The following RIPOR3 variants were observed in gnomAD, a reference collection of about 807,000 sequenced individuals.
RIPOR3 encodes the protein family with sequence similarity 65 member C.
RIPOR3 carries 95 observed loss-of-function variants against 114.3 expected under a neutral mutation model. The ratio of observed to expected loss-of-function variants is 0.83; its 90% CI spans 0.70 to 0.99. The LOEUF (loss-of-function observed/expected upper bound fraction) is 0.99. Ranked by LOEUF, RIPOR3 falls within the 50% of genes least tolerant of loss-of-function variation. RIPOR3 has a pLI of 0.00. For synonymous variants in RIPOR3, 575 were observed against 543.8 expected, an observed-to-expected ratio of 1.06 and a Z score of -0.80; for missense variants, 1,252 against 1,266.9, an observed-to-expected ratio of 0.99 and a Z score of 0.18.
In RIPOR3 at chr20:50,626,291, G is replaced by A. The variant is rs561529438; in HGVS notation, c.122+4447C>T. On this transcript the variant is annotated intron_variant, in intron 2 of 21. Transcript: ENST00000327979. ...GGCGGCAGAGGCCAAGGCCAGGTGGGGGCTGCCCAGGGACCTCCGAACCAG... is the reference window on the plus strand; with the variant it reads ...GGCGGCAGAGGCCAAGGCCAGGTGGAGGCTGCCCAGGGACCTCCGAACCAG... Among the ~76,000 whole-genome samples the A allele has an allele frequency of 2.0e-5, 3 of 152,364 alleles. No homozygotes were observed. The East Asian group carries it at 5.8e-4, about 29-fold the overall frequency.
chr20:50,597,850 C>G (rs1050036716), intron 13 of RIPOR3, 140 bp from the exon 14 acceptor site: 13 of 1,300,270 alleles, frequency 1.0e-5, no homozygotes, highest in Non-Finnish European at 3.1e-6. Context: ...CCAGCAGAAG[C>G]CCAGCCGCTG....
chr20:50,635,975 C>G (rs2084972233), intron 1 of RIPOR3, among the ~76,000 whole-genome samples: 1 of 152,212 alleles, frequency 6.6e-6, no homozygotes, highest in Non-Finnish European at 1.5e-5. Context: ...CGAGAAAAAT[C>G]AAGCCCAACC....
intron 15 of RIPOR3, 122 bp downstream of exon 15, chr20:50,596,018 G>A (rs983730529): frequency 1.4e-5 from 19 of 1,396,748 alleles, no homozygotes; most frequent in Middle Eastern, 2.2e-4. Context: ...TCAGTCTCAC[G>A]GGCTTCCAGG....
At chr20:50,595,075 C>A in intron 16 of RIPOR3, 1 of 497,022 alleles carries the variant, frequency 2.0e-6, no homozygotes. Context: ...GGGGTTACCT[C>A]ACTGAACCCC....
chr20:50,642,035 C>T (rs939013544), intron 1 of RIPOR3, among the ~76,000 whole-genome samples: 9 of 152,276 alleles, frequency 5.9e-5, no homozygotes, highest in African/African-American at 1.9e-4. Flanking sequence ...AGAACCTGGC[C>T]GGCTCCTCCC....
chr20:50,625,095 A>C (rs2084570618), intron 2 of RIPOR3, among the ~76,000 whole-genome samples: 1 of 151,114 alleles, frequency 6.6e-6, no homozygotes. Context: ...AATTGAGACA[A>C]GGTCTTGCTC....
At chr20:50,679,104 CAAAAAAAAAAAAAAA>C (rs1215128742) in intron 1 of RIPOR3, among the ~76,000 whole-genome samples, 1 of 35,988 alleles carries the variant, frequency 2.8e-5, no homozygotes, top group African/African-American at 2.2e-4. Flanking sequence ...GATCCTGTCT[CAAAAAAAAAAAAAAA>C]AAAAAAAAAA....
chr20:50,604,549 C>A, intron 12 of RIPOR3, 96 bp downstream of exon 12: 1 of 1,455,282 alleles, frequency 6.9e-7, no homozygotes, highest in Non-Finnish European at 9.1e-7. Flanking sequence ...CGAGGCTTGC[C>A]ATGTCTGGGA....
At chr20:50,666,185 T>TTCTTCTTTTCTTTTCTTTTC (rs2086193272) in intron 1 of RIPOR3, among the ~76,000 whole-genome samples, 1 of 24,478 alleles carries the variant, frequency 4.1e-5, no homozygotes, top group African/African-American at 7.4e-5. Context: ...GGACACCCAT[T>TTCTTCTTTTCTTTTCTTTTC]TCTTTTCTTT....
Position 50,668,472 on chromosome 20 carries a change from C to T in RIPOR3, c.3+22654G>A, listed in dbSNP as rs1167290556. 2.0e-5 allele frequency among the ~76,000 whole-genome samples: 3 copies of T among 152,174 alleles called. No individual in the cohort carries two copies. The East Asian group carries it at 5.8e-4, about 29-fold the overall frequency. ...AGAGGCCCCAACCTTTGCGCCTCCT[C>T]CTCAGAGAATCTGATTCTCCCTCCT... On this transcript the variant is annotated intron_variant, in intron 1 of 21. Transcript: ENST00000327979.
chr20:50,661,131 G>T (rs757998688), intron 1 of RIPOR3, among the ~76,000 whole-genome samples: 1 of 150,672 alleles, frequency 6.6e-6, no homozygotes, highest in Non-Finnish European at 1.5e-5. Flanking sequence ...CCAGCTACTC[G>T]GGAGGCTGAG....
In RIPOR3 at chr20:50,594,706, G is replaced by T; in HGVS notation, c.2059C>A (p.Gln687Lys). 6.2e-7 allele frequency: 1 copy of T among 1,609,412 alleles called. No individual in the cohort carries two copies. Among genetic ancestry groups the T allele is most frequent in the East Asian group, 2.2e-5 (1 of 44,758 alleles). Residue 687 changes from glutamine to lysine, a missense_variant, in exon 17 of 22, where the codon CAG (glutamine) becomes AAG (lysine). Transcript: ENST00000327979. Reference protein sequence around the residue: ...KATSIEEIIPQASRTKGCLKL... With the variant: ...KATSIEEIIPKASRTKGCLKL... The stretch of plus-strand genomic sequence containing the variant: ...AGGCACCCCTTCGTCCGCGAGGCCT[G>T]TGGGATGACTGAAAGCCCCAGTTCA...
intron 20 of RIPOR3, 78 bp from the exon 21 acceptor site, chr20:50,587,970 G>GT: frequency 5.1e-6 from 7 of 1,384,496 alleles, no homozygotes; most frequent in Non-Finnish European, 6.1e-6. Flanking sequence ...TGGCCCTGCA[G>GT]GGCCAGTCCT....
rs144281792 is a variant in RIPOR3 at position 50,617,003 on chromosome 20, A to G, written c.270-923T>C. On this transcript the variant is annotated intron_variant, in intron 3 of 21. Coordinates refer to ENST00000327979, the MANE Select transcript of RIPOR3 (RefSeq NM_001290268.2). ...TAAAAATACAAAAACTTAGCCGGGCATGGTGGCACACACCTGTAGTCCCAG... is the reference window on the plus strand; with the variant it reads ...TAAAAATACAAAAACTTAGCCGGGCGTGGTGGCACACACCTGTAGTCCCAG... 3.4e-3 allele frequency among the ~76,000 whole-genome samples: 522 copies of G among 152,276 alleles called. 3 individuals are homozygous for G. The highest frequency in any genetic ancestry group is 0.02 in the Middle Eastern group (6 of 294).
intron 2 of RIPOR3, among the ~76,000 whole-genome samples, chr20:50,622,554 G>A (rs746863390): frequency 6.6e-6 from 1 of 151,982 alleles, no homozygotes; most frequent in East Asian, 1.9e-4. Context: ...CGGGAATAAC[G>A]GTATGCTGGA....
intron 1 of RIPOR3, among the ~76,000 whole-genome samples, chr20:50,677,112 C>A (rs1310869598): frequency 2.0e-5 from 3 of 152,144 alleles, no homozygotes; most frequent in Non-Finnish European, 4.4e-5. Context: ...ATCATTAGCA[C>A]CCTCATTTGC....
At chr20:50,680,017 C>A (rs765180733) in intron 1 of RIPOR3, among the ~76,000 whole-genome samples, 17 of 152,296 alleles carry the variant, frequency 1.1e-4, no homozygotes, top group Middle Eastern at 6.8e-3. Flanking sequence ...GGGCCAGATC[C>A]ATGCTTGGTC....
intron 1 of RIPOR3, among the ~76,000 whole-genome samples, chr20:50,634,700 G>T (rs979382008): frequency 5.9e-5 from 9 of 152,232 alleles, no homozygotes; most frequent in African/African-American, 2.2e-4. Context: ...CTATGTGCTA[G>T]ACTCTAAGGC....
At chr20:50,619,071 G>A (rs2084294649) in intron 3 of RIPOR3, among the ~76,000 whole-genome samples, 1 of 152,134 alleles carries the variant, frequency 6.6e-6, no homozygotes, top group Non-Finnish European at 1.5e-5. Context: ...AATTAGCCAG[G>A]CGTGGTGGCA....
Sources: gnomAD v4.1 joint callset for allele counts (sites outside exome capture counted in the v4.1 genomes callset) on GRCh38, gnomAD v4.1.1 for gene constraint, MANE v1.5 for transcripts, NCBI Gene and HGNC (gene_info 2026-07-23, HGNC 2026-07-21) for gene names.